SCN3A: variants seen among roughly 807,000 people sequenced by gnomAD.
SCN3A encodes the protein sodium voltage-gated channel alpha subunit 3.
A neutral mutation model predicts 187.6 loss-of-function variants in SCN3A; 60 were observed. The ratio of observed to expected loss-of-function variants is 0.32; its 90% confidence interval spans 0.26 to 0.40. The LOEUF (loss-of-function observed/expected upper bound fraction) is 0.40, where lower values mean the gene tolerates loss of function less well. SCN3A is among the 10% of genes least tolerant of loss of function. SCN3A has a pLI of 1.00. For missense variants in SCN3A, 1,601 were observed against 2,428.2 expected (o/e 0.66, Z 7.16); for synonymous variants, 788 against 829.2 (o/e 0.95, Z 0.85).
chr2:165,117,730 A>G (rs947181276), intron 18 of SCN3A, among the ~76,000 whole-genome samples: 1 of 152,124 alleles, frequency 6.6e-6, no homozygotes, highest in African/African-American at 2.4e-5. Context: ...GAGTCTATGT[A>G]ATTATATTAG....
chr2:165,127,603 G>T, intron 18 of SCN3A, 28 bp downstream of exon 18: 1 of 1,570,064 alleles, frequency 6.4e-7, no homozygotes, highest in Non-Finnish European at 8.7e-7. Flanking sequence ...CATAGGAAAT[G>T]GAACAAAAAA....
At chr2:165,178,648 T>C (rs1390765526) in intron 2 of SCN3A, among the ~76,000 whole-genome samples, 1 of 152,202 alleles carries the variant, frequency 6.6e-6, no homozygotes, top group East Asian at 1.9e-4. Flanking sequence ...TAAAATAAAA[T>C]AGCAGGCCTG....
Position 165,130,100 on chromosome 2 carries a change from A to G in SCN3A, c.2762T>C (p.Leu921Pro). ...CVCKINDDCT[L>P]PRWHMNDFFH... Reference sequence around the variant, plus strand: ...GAAGTCGTTCATGTGCCACCGTGGGAGCGTACAGTCATCATTGATCTTGCA... The same window carrying G: ...GAAGTCGTTCATGTGCCACCGTGGGGGCGTACAGTCATCATTGATCTTGCA... The change falls in exon 17 of 28, where the codon CTC becomes CCC. Residue 921 changes from leucine to proline, a missense_variant. By Grantham distance (98) the Leu-to-Pro change is moderately conservative (BLOSUM62 -3). This residue lies in a region of SCN3A where 91 missense variants were observed against 207.0 expected (regional missense o/e 0.44). Coordinates refer to ENST00000283254, the MANE Select transcript of SCN3A (RefSeq NM_006922.4). 6.2e-7 allele frequency: 1 copy of G among 1,614,158 alleles called. No homozygotes were observed. Among genetic ancestry groups the G allele is most frequent in the Non-Finnish European group, 8.5e-7 (1 of 1,180,016 alleles).
At chr2:165,114,523 G>T (rs1338446619) in intron 19 of SCN3A, among the ~76,000 whole-genome samples, 1 of 152,026 alleles carries the variant, frequency 6.6e-6, no homozygotes. Context: ...CCTAGCTTTC[G>T]CATTATTTCT....
chr2:165,092,654 T>C lies in SCN3A; in HGVS notation c.4537-130A>G, dbSNP rs1245767566. The C allele has an allele frequency of 3.6e-6, 3 of 825,256 alleles. No individual in the cohort carries two copies. Among genetic ancestry groups the C allele is most frequent in the Non-Finnish European group, 5.7e-6 (3 of 529,864 alleles). 51.1% of individuals were successfully genotyped at this position (825,256 alleles called of 1,614,324 possible). A position where few individuals can be genotyped will look rare whatever the true frequency, so the allele number is the denominator to read the frequency against. Reference sequence around the variant, plus strand: ...CCTCCTCATATTACCCCAAACAATTTTGTGTGCTTTTTTTCTCTTCATGTT... The same window carrying C: ...CCTCCTCATATTACCCCAAACAATTCTGTGTGCTTTTTTTCTCTTCATGTT... On this transcript the variant is annotated intron_variant, in intron 26 of 27. Coordinates refer to ENST00000283254, the MANE Select transcript of SCN3A (RefSeq NM_006922.4). The surrounding 1 kb of genome is among the most constrained non-coding windows in gnomAD (Gnocchi z 4.2).
chr2:165,112,184 G>T (rs999556159), intron 21 of SCN3A, among the ~76,000 whole-genome samples: 10 of 152,256 alleles, frequency 6.6e-5, no homozygotes, highest in Middle Eastern at 3.4e-3. Flanking sequence ...CTGTCATGTT[G>T]TCCCAGTGCC....
chr2:165,141,508 T>A (rs1196067807), intron 12 of SCN3A, among the ~76,000 whole-genome samples: 1 of 152,226 alleles, frequency 6.6e-6, no homozygotes, highest in Non-Finnish European at 1.5e-5. Context: ...ATTACTTTTT[T>A]AAAAAACTAC....
intron 2 of SCN3A, among the ~76,000 whole-genome samples, chr2:165,176,855 CTTAA>C (rs1425160858): frequency 1.3e-5 from 2 of 152,114 alleles, no homozygotes; most frequent in Non-Finnish European, 2.9e-5. Context: ...AATAAAATTG[CTTAA>C]TTATTCTGCA....
chr2:165,088,891 T>C lies in SCN3A; in HGVS notation c.*1259A>G, dbSNP rs1684953362. The C allele has an allele frequency of 6.6e-6, 1 of 152,592 alleles. No individual in the cohort carries two copies. The highest frequency in any genetic ancestry group is 2.4e-5 in the African/African-American group (1 of 41,464). The allele number at this position is 152,592 out of a possible 1,614,324, so 9.5% of individuals were successfully genotyped here. ...CTAGAGAGATACCATATGATACTCA[T>C]GTTGAATTAAAAGTGCAAAAGTAAA... On this transcript the variant is annotated 3_prime_UTR_variant, in exon 28 of 28. Coordinates refer to ENST00000283254, the MANE Select transcript of SCN3A (RefSeq NM_006922.4).
At position 165,154,669 on chromosome 2, in the gene SCN3A, T is replaced by C; in HGVS notation, c.1174-11A>G. Reference sequence around the variant, plus strand: ...AGCAGCACGTAATGTCTAGGGGAAATGGGGGATAATTCCATCAGTATTTTA... The same window carrying C: ...AGCAGCACGTAATGTCTAGGGGAAACGGGGGATAATTCCATCAGTATTTTA... On this transcript the variant is annotated splice_polypyrimidine_tract_variant and intron_variant, in intron 10 of 27. Coordinates refer to ENST00000283254, the MANE Select transcript of SCN3A (RefSeq NM_006922.4). 1 of 1,604,418 alleles carries C rather than the reference T, an allele frequency of 6.2e-7. No individual in the cohort carries two copies. Among genetic ancestry groups the C allele is most frequent in the Admixed American group, 1.7e-5 (1 of 60,016 alleles).
chr2:165,138,733 T>A (rs1687815578), intron 14 of SCN3A, among the ~76,000 whole-genome samples: 1 of 152,182 alleles, frequency 6.6e-6, no homozygotes, highest in African/African-American at 2.4e-5. Context: ...TACAAAATAA[T>A]TATTATGTGA....
At chr2:165,102,895 T>C (rs1169286152) in intron 21 of SCN3A, among the ~76,000 whole-genome samples, 1 of 152,180 alleles carries the variant, frequency 6.6e-6, no homozygotes, top group Non-Finnish European at 1.5e-5. Context: ...TATAGGAAAA[T>C]AAAGGGAATT....
At chr2:165,117,558 A>G (rs913760854) in intron 18 of SCN3A, among the ~76,000 whole-genome samples, 2 of 152,156 alleles carry the variant, frequency 1.3e-5, no homozygotes, top group Non-Finnish European at 2.9e-5. Flanking sequence ...GATCCAGTGT[A>G]TCACCAAGTA....
intron 2 of SCN3A, among the ~76,000 whole-genome samples, chr2:165,182,633 G>A (rs934042988): frequency 1.3e-5 from 2 of 151,176 alleles, no homozygotes; most frequent in African/African-American, 4.9e-5. Context: ...CTCACTTCCA[G>A]GTTTCCAGCT....
At chr2:165,183,873 A>T (rs997531343) in intron 2 of SCN3A, among the ~76,000 whole-genome samples, 13 of 152,124 alleles carry the variant, frequency 8.5e-5, no homozygotes, top group Non-Finnish European at 1.9e-4. Flanking sequence ...AGATAGCATT[A>T]AAAAAATCTG....
chr2:165,111,228 G>A (rs557355037), intron 21 of SCN3A, among the ~76,000 whole-genome samples: 1 of 152,044 alleles, frequency 6.6e-6, no homozygotes. Context: ...CCAGCTACTC[G>A]AGAGGCTGAG....
chr2:165,103,285 G>T (rs1175968437), intron 21 of SCN3A, among the ~76,000 whole-genome samples: 1 of 152,108 alleles, frequency 6.6e-6, no homozygotes, highest in East Asian at 1.9e-4. Context: ...CATTATCTTT[G>T]TGTCTCAGAA....
At chr2:165,133,397 C>T (rs1687473567) in intron 15 of SCN3A, among the ~76,000 whole-genome samples, 1 of 151,932 alleles carries the variant, frequency 6.6e-6, no homozygotes, top group South Asian at 2.1e-4. Context: ...CTCTGTTGCC[C>T]AGATTGGAGT....
At chr2:165,107,265 A>G (rs1040631430) in intron 21 of SCN3A, among the ~76,000 whole-genome samples, 2 of 152,222 alleles carry the variant, frequency 1.3e-5, no homozygotes, top group Non-Finnish European at 2.9e-5. Context: ...TTATAGCTAC[A>G]TTAGTAGGAT....
Sources: allele counts gnomAD v4.1 joint callset (sites outside exome capture counted in the v4.1 genomes callset), GRCh38; gene constraint gnomAD v4.1.1; regional missense constraint gnomAD v4.1.1; non-coding constraint Gnocchi (gnomAD v3.1); transcripts MANE v1.5; gene names NCBI Gene and HGNC (gene_info 2026-07-23, HGNC 2026-07-21).